CASP8: variants seen among roughly 807,000 people sequenced by gnomAD.
CASP8 encodes the protein caspase-8.
CASP8 carries 24 observed loss-of-function variants against 46.3 expected under a neutral mutation model. The ratio of observed to expected loss-of-function variants is 0.52; its 90% CI spans 0.38 to 0.73. The LOEUF is 0.73. CASP8 is among the 30% of genes least tolerant of loss of function. The pLI is 0.00. For missense variants in CASP8, 460 were observed against 559.0 expected (o/e 0.82, Z 1.79); for synonymous variants, 188 against 200.4 (o/e 0.94, Z 0.52).
chr2:201,258,850 C>A (rs1450067595), upstream of CASP8, among the ~76,000 whole-genome samples: 11 of 152,214 alleles, frequency 7.2e-5, no homozygotes, highest in African/African-American at 2.7e-4. Context: ...TCTCCACCCC[C>A]ACCCTTGCCC....
chr2:201,237,176 C>T lies in CASP8; in HGVS notation c.-27+3064C>T, dbSNP rs527553767. ...CACGTTCTTGGCTCACTGCAACCTC[C>T]GCCTCCCAGGTTCAAAAGATTCTCC... On this transcript the variant is annotated intron_variant, in intron 2 of 6. Transcript: ENST00000264274. 6.1e-4 allele frequency among the ~76,000 whole-genome samples: 91 copies of T among 149,492 alleles called. 4 individuals are homozygous for T. The highest frequency in any genetic ancestry group is 3.0e-4 in the Non-Finnish European group (20 of 67,608).
intron 7 of CASP8, chr2:201,281,762 C>A: frequency 1.1e-6 from 1 of 920,860 alleles, no homozygotes; most frequent in African/African-American, 1.7e-5. Flanking sequence ...GATAGCTTAC[C>A]CATCTTGTAA....
intron 2 of CASP8, among the ~76,000 whole-genome samples, chr2:201,252,786 C>T (rs1946843525): frequency 6.6e-6 from 1 of 152,238 alleles, no homozygotes; most frequent in African/African-American, 2.4e-5. Context: ...ACTGAGAATA[C>T]GTGGTGTTAT....
chr2:201,279,172 A>G (rs756762681), intron 7 of CASP8, among the ~76,000 whole-genome samples: 2 of 152,232 alleles, frequency 1.3e-5, no homozygotes, highest in South Asian at 2.1e-4. Context: ...TTGAAAGCCT[A>G]TATAAGCCTA....
chr2:201,271,513 C>T lies in CASP8; in HGVS notation c.306-3C>T, dbSNP rs905455521. On this transcript the variant is annotated splice_region_variant and splice_polypyrimidine_tract_variant and intron_variant, in intron 2 of 8. Coordinates refer to ENST00000673742, the MANE Select transcript of CASP8 (RefSeq NM_001372051.1). ...TCTAAAGTGTCTCCATTTCCCACCA[C>T]AGGGTCATGCTCTATCAGATTTCAG... The T allele has an allele frequency of 6.4e-7, 1 of 1,560,922 alleles. No individual in the cohort carries two copies. Among genetic ancestry groups the T allele is most frequent in the East Asian group, 2.2e-5 (1 of 44,642 alleles).
intron 3 of CASP8, among the ~76,000 whole-genome samples, 180 bp downstream of exon 3, chr2:201,271,801 C>T (rs532679476): frequency 6.6e-6 from 1 of 152,028 alleles, no homozygotes; most frequent in South Asian, 2.1e-4. Flanking sequence ...AAGTGCTGCT[C>T]ATGTTAATTA....
upstream of CASP8, among the ~76,000 whole-genome samples, chr2:201,257,204 G>A (rs769676766): frequency 4.1e-5 from 6 of 147,722 alleles, no homozygotes; most frequent in Non-Finnish European, 9.0e-5. Flanking sequence ...GGGAGGGGCT[G>A]GGCACCGTGG....
upstream of CASP8, chr2:201,258,109 CGGAGACCA>C (rs908405039): frequency 1.9e-4 from 211 of 1,110,952 alleles, no homozygotes; most frequent in Non-Finnish European, 2.6e-4. Context: ...CTCTTTCTCT[CGGAGACCA>C]GATTCTGCCT....
intron 2 of CASP8, among the ~76,000 whole-genome samples, chr2:201,253,681 G>C (rs1576247989): frequency 6.6e-6 from 1 of 152,198 alleles, no homozygotes. Context: ...TTTAAAAGAT[G>C]GTTCTTGACA....
At chr2:201,258,670 T>A (rs1433687432), upstream of CASP8, among the ~76,000 whole-genome samples, 1 of 152,242 alleles carries the variant, frequency 6.6e-6, no homozygotes, top group Non-Finnish European at 1.5e-5. Context: ...CTCCCTCCTG[T>A]GGACCCGTTT....
chr2:201,285,420 T>C (rs1472694029), intron 8 of CASP8, 103 bp downstream of exon 8: 25 of 1,405,050 alleles, frequency 1.8e-5, no homozygotes, highest in Admixed American at 1.3e-4. Flanking sequence ...GAAAGTGCTA[T>C]GTGATTTAGA....
At chr2:201,251,817 G>T (rs959893637) in intron 2 of CASP8, among the ~76,000 whole-genome samples, 1 of 151,764 alleles carries the variant, frequency 6.6e-6, no homozygotes, top group Non-Finnish European at 1.5e-5. Context: ...CAGGAGAATC[G>T]CTTGAACCCA....
intron 2 of CASP8, among the ~76,000 whole-genome samples, chr2:201,251,711 C>T (rs538560045): frequency 6.6e-6 from 1 of 151,548 alleles, no homozygotes; most frequent in African/African-American, 2.4e-5. Context: ...AACACCAGCC[C>T]GACCAACATG....
chr2:201,277,131 AG>A, intron 7 of CASP8, 163 bp downstream of exon 7: 1 of 558,768 alleles, frequency 1.8e-6, no homozygotes, highest in East Asian at 3.0e-5. Context: ...TACATTTATC[AG>A]TTTCCTGCTT....
rs908781727 is a variant in CASP8, at chr2:201,279,333, G to A, written c.802+2365G>A. Among the ~76,000 whole-genome samples the A allele has an allele frequency of 3.3e-5, 5 of 152,202 alleles. 1 individual carries two copies. The highest frequency in any genetic ancestry group is 7.3e-5 in the Non-Finnish European group (5 of 68,028). Reference sequence around the variant, plus strand: ...CAGGCCCAGCAAAGGAAGCAATGAAGCATTTTACTGAACACAGAGAGACTG... The same window carrying A: ...CAGGCCCAGCAAAGGAAGCAATGAAACATTTTACTGAACACAGAGAGACTG... On this transcript the variant is annotated intron_variant, in intron 7 of 8. Transcript: ENST00000673742.
chr2:201,246,317 C>T (rs1269560958), intron 2 of CASP8, among the ~76,000 whole-genome samples: 1 of 152,162 alleles, frequency 6.6e-6, no homozygotes, highest in Admixed American at 6.5e-5. Flanking sequence ...CCTCTACTTT[C>T]CACCTCTCAG....
intron 2 of CASP8, chr2:201,269,699 T>C: frequency 1.2e-6 from 1 of 834,420 alleles, no homozygotes. Flanking sequence ...CATTGAATAC[T>C]AGCCAGAAGC....
intron 7 of CASP8, among the ~76,000 whole-genome samples, chr2:201,283,710 C>G (rs1445379438): frequency 1.2e-5 from 1 of 86,506 alleles, no homozygotes; most frequent in African/African-American, 3.7e-5. Flanking sequence ...GCCTCCCTCC[C>G]GGACGGGGCG....
chr2:201,236,023 T>A (rs1946032643), intron 2 of CASP8, among the ~76,000 whole-genome samples: 1 of 152,240 alleles, frequency 6.6e-6, no homozygotes. Flanking sequence ...GATGTTGGCA[T>A]AATGACGAAA....
Sources: gnomAD v4.1 joint callset for allele counts (sites outside exome capture counted in the v4.1 genomes callset) on GRCh38, gnomAD v4.1.1 for gene constraint, MANE v1.5 for transcripts, NCBI Gene and HGNC (gene_info 2026-07-23, HGNC 2026-07-21) for gene names.